HMGB1: variants seen among roughly 807,000 people sequenced by gnomAD.
The protein encoded by HMGB1 is high mobility group box 1, also known as high mobility group protein B1.
For missense variants in HMGB1, 79 were observed against 253.5 expected, an observed-to-expected ratio of 0.31 and a Z score of 4.67; for synonymous variants, 81 against 84.0, an observed-to-expected ratio of 0.96 and a Z score of 0.19.
intron 1 of HMGB1, among the ~76,000 whole-genome samples, chr13:30,614,452 C>A (rs1365042381): frequency 6.6e-6 from 1 of 152,124 alleles, no homozygotes; most frequent in East Asian, 1.9e-4. Flanking sequence ...AAACTGAGAC[C>A]TTAAAAATTC....
In HMGB1 at chr13:30,458,956, G is replaced by A. The variant is rs1379437433; in HGVS notation, c.*2401C>T. 2.0e-5 allele frequency: 3 copies of A among 152,044 alleles called. No homozygotes were observed. Among genetic ancestry groups the A allele is most frequent in the African/African-American group, 7.2e-5 (3 of 41,388 alleles). 9.4% of individuals were successfully genotyped at this position (152,044 alleles called of 1,614,324 possible). A position where few individuals can be genotyped will look rare whatever the true frequency, so the allele number is the denominator to read the frequency against. On this transcript the variant is annotated 3_prime_UTR_variant, in exon 5 of 5. Coordinates refer to ENST00000341423, the MANE Select transcript of HMGB1 (RefSeq NM_002128.7). Reference sequence around the variant, plus strand: ...TGACTCGTTAATCAATATGCCATATGCCTATCTTTAAAATACAAAAAAACT... The same window carrying A: ...TGACTCGTTAATCAATATGCCATATACCTATCTTTAAAATACAAAAAAACT...
intron 1 of HMGB1, among the ~76,000 whole-genome samples, chr13:30,530,061 T>A (rs1226982891): frequency 2.6e-5 from 4 of 152,230 alleles, no homozygotes; most frequent in Middle Eastern, 3.4e-3. Flanking sequence ...TACCAAAGAT[T>A]TAAAAATAAT....
At chr13:30,487,675 C>T (rs1040901588) in intron 1 of HMGB1, among the ~76,000 whole-genome samples, 24 of 152,022 alleles carry the variant, frequency 1.6e-4, no homozygotes, top group South Asian at 2.1e-4. Flanking sequence ...TTTTATTTTA[C>T]GGGCTAAAAA....
intron 1 of HMGB1, among the ~76,000 whole-genome samples, chr13:30,510,035 T>TCCCAAATCCACAGGGTGGAAA (rs1887955005): frequency 6.6e-6 from 1 of 152,114 alleles, no homozygotes; most frequent in Non-Finnish European, 1.5e-5. Flanking sequence ...CCCATAGCCC[T>TCCCAAATCCACAGGGTGGAAA]CCCAAATCCA....
intron 1 of HMGB1, among the ~76,000 whole-genome samples, chr13:30,584,701 T>C (rs1871064103): frequency 6.6e-6 from 1 of 152,234 alleles, no homozygotes; most frequent in African/African-American, 2.4e-5. Flanking sequence ...TTTCTAATTA[T>C]TTAAATAAAA....
At chr13:30,607,307 T>G (rs1447657860) in intron 1 of HMGB1, among the ~76,000 whole-genome samples, 1 of 152,242 alleles carries the variant, frequency 6.6e-6, no homozygotes, top group Non-Finnish European at 1.5e-5. Context: ...CATCTTGAAT[T>G]GTAATCCCCA....
At chr13:30,462,801 G>T in intron 3 of HMGB1, 89 bp from the exon 4 acceptor site, 1 of 1,068,406 alleles carries the variant, frequency 9.4e-7, no homozygotes, top group Non-Finnish European at 1.4e-6. Context: ...ATTTAAAGCT[G>T]CCTGTGAATT....
At chr13:30,558,628 C>T (rs1260676503) in intron 1 of HMGB1, among the ~76,000 whole-genome samples, 4 of 152,190 alleles carry the variant, frequency 2.6e-5, no homozygotes, top group Non-Finnish European at 4.4e-5. Context: ...CTGTCTCTAA[C>T]AGCCATGGGC....
At chr13:30,486,120 T>G (rs567785144) in intron 1 of HMGB1, among the ~76,000 whole-genome samples, 2 of 152,304 alleles carry the variant, frequency 1.3e-5, no homozygotes, top group South Asian at 4.2e-4. Context: ...AAACCAGGAA[T>G]GTTGTGTGGC....
At chr13:30,578,365 G>GTTTTTTTTTTTTTTTTTT (rs1475312645) in intron 1 of HMGB1, among the ~76,000 whole-genome samples, 2 of 67,072 alleles carry the variant, frequency 3.0e-5, no homozygotes, top group Non-Finnish European at 3.0e-5. Flanking sequence ...ACCAGTTCTT[G>GTTTTTTTTTTTTTTTTTT]TTCTTTTTTT....
intron 1 of HMGB1, among the ~76,000 whole-genome samples, chr13:30,528,115 C>T (rs896981616): frequency 2.6e-5 from 4 of 152,230 alleles, no homozygotes; most frequent in African/African-American, 2.4e-5. Context: ...GCAGGGAACT[C>T]GGTGTGCTGC....
chr13:30,576,424 C>T (rs192304041), intron 1 of HMGB1, among the ~76,000 whole-genome samples: 3 of 152,094 alleles, frequency 2.0e-5, no homozygotes, highest in East Asian at 3.9e-4. Flanking sequence ...CCTTTTCTCA[C>T]CTAAGAATAC....
At chr13:30,575,028 T>C (rs936287162) in intron 1 of HMGB1, among the ~76,000 whole-genome samples, 5 of 152,246 alleles carry the variant, frequency 3.3e-5, no homozygotes, top group African/African-American at 9.6e-5. Context: ...TTAATTGATA[T>C]ATTAAAATCT....
intron 1 of HMGB1, among the ~76,000 whole-genome samples, chr13:30,579,679 T>G (rs1593324017): frequency 6.6e-6 from 1 of 152,148 alleles, no homozygotes; most frequent in East Asian, 1.9e-4. Context: ...CAGAGTATTG[T>G]GAGGAATACA....
At chr13:30,539,245 G>A (rs1023091044) in intron 1 of HMGB1, among the ~76,000 whole-genome samples, 4 of 152,142 alleles carry the variant, frequency 2.6e-5, no homozygotes, top group Admixed American at 6.6e-5. Flanking sequence ...GCCCGCCTCC[G>A]CTGAAAAGGT....
At chr13:30,538,392 G>A (rs1868551310) in intron 1 of HMGB1, among the ~76,000 whole-genome samples, 1 of 152,156 alleles carries the variant, frequency 6.6e-6, no homozygotes, top group Non-Finnish European at 1.5e-5. Flanking sequence ...CTACTTGTCT[G>A]AGGGTATGAC....
At chr13:30,463,058 A>G (rs1317251937) in intron 3 of HMGB1, 149 bp downstream of exon 3, 2 of 818,744 alleles carry the variant, frequency 2.4e-6, no homozygotes, top group African/African-American at 3.5e-5. Flanking sequence ...GGAATTTTAT[A>G]CTATTTAAAT....
chr13:30,494,784 T>C (rs957477776), intron 1 of HMGB1, among the ~76,000 whole-genome samples: 2 of 152,184 alleles, frequency 1.3e-5, no homozygotes, highest in African/African-American at 4.8e-5. Context: ...ATCCATTAAA[T>C]ACTAACTCCC....
chr13:30,476,865 CA>C (rs35075993), intron 1 of HMGB1, among the ~76,000 whole-genome samples: 112 of 135,524 alleles, frequency 8.3e-4, no homozygotes, highest in East Asian at 2.3e-3. Context: ...GATTCTGTCT[CA>C]AAAAAAAAAA....
Sources: allele counts gnomAD v4.1 joint callset (sites outside exome capture counted in the v4.1 genomes callset), GRCh38; gene constraint gnomAD v4.1.1; transcripts MANE v1.5; gene names NCBI Gene and HGNC (gene_info 2026-07-23, HGNC 2026-07-21).